The following HEMK2 variants were observed in gnomAD, a reference collection of about 807,000 sequenced individuals.
The protein encoded by HEMK2 is methyltransferase HEMK2.
At chr21:28,636,171 C>T in the HEMK2 span, among the ~76,000 whole-genome samples, 1 of 152,072 alleles carries the variant, frequency 6.6e-6, no homozygotes, top group Non-Finnish European at 1.5e-5. Context: ...ATCTTCAGTA[C>T]AAGGAAATTT....
At chr21:28,767,424 T>TAA in the HEMK2 span, among the ~76,000 whole-genome samples, 38 of 146,476 alleles carry the variant, frequency 2.6e-4, no homozygotes, top group African/African-American at 6.9e-4. Context: ...GCATGAGATT[T>TAA]AAAAAAAAAA....
At chr21:28,683,576 G>A in the HEMK2 span, among the ~76,000 whole-genome samples, 9 of 152,014 alleles carry the variant, frequency 5.9e-5, no homozygotes, top group Admixed American at 2.0e-4. Context: ...TTACATACAC[G>A]CACAATGTTT....
the HEMK2 span, among the ~76,000 whole-genome samples, chr21:28,750,438 C>G: frequency 6.6e-6 from 1 of 152,088 alleles, no homozygotes. Flanking sequence ...GTGACTCATA[C>G]CTGTAATCCC....
the HEMK2 span, among the ~76,000 whole-genome samples, chr21:28,779,819 A>C: frequency 3.3e-4 from 50 of 152,298 alleles, no homozygotes; most frequent in African/African-American, 1.2e-3. Flanking sequence ...CTCACCTGAG[A>C]CTTAGCTCCT....
At chr21:28,634,955 A>G in the HEMK2 span, among the ~76,000 whole-genome samples, 1 of 152,120 alleles carries the variant, frequency 6.6e-6, no homozygotes, top group African/African-American at 2.4e-5. Flanking sequence ...CATGTGTTAC[A>G]TTTAGTTTAA....
the HEMK2 span, among the ~76,000 whole-genome samples, chr21:28,821,273 G>A: frequency 2.0e-5 from 3 of 152,220 alleles, no homozygotes; most frequent in South Asian, 6.2e-4. Context: ...ACCACAGAGG[G>A]AGAGGCTGTG....
the HEMK2 span, among the ~76,000 whole-genome samples, chr21:28,607,004 A>G: frequency 6.6e-6 from 1 of 152,226 alleles, no homozygotes. Context: ...GTGACCAAAG[A>G]AACACATATC....
At chr21:28,752,808 T>C in the HEMK2 span, among the ~76,000 whole-genome samples, 1 of 100,318 alleles carries the variant, frequency 1.0e-5, no homozygotes. Flanking sequence ...AAATGTAAGA[T>C]ATTATTGTTG....
At chr21:28,885,024 C>T in the HEMK2 span, among the ~76,000 whole-genome samples, 3 of 152,178 alleles carry the variant, frequency 2.0e-5, no homozygotes, top group East Asian at 1.9e-4. Flanking sequence ...GAGATGCGTC[C>T]CCGGCACACT....
At chr21:28,618,082 C>T in the HEMK2 span, among the ~76,000 whole-genome samples, 4 of 152,234 alleles carry the variant, frequency 2.6e-5, no homozygotes, top group East Asian at 7.7e-4. Flanking sequence ...GCCACCACGC[C>T]CAGCCTTGGC....
the HEMK2 span, among the ~76,000 whole-genome samples, chr21:28,719,217 G>A: frequency 6.6e-6 from 1 of 152,146 alleles, no homozygotes; most frequent in East Asian, 1.9e-4. Flanking sequence ...TTGCCAAGTA[G>A]GGGCATTGCT....
the HEMK2 span, among the ~76,000 whole-genome samples, chr21:28,649,503 G>A: frequency 6.6e-6 from 1 of 152,156 alleles, no homozygotes; most frequent in Non-Finnish European, 1.5e-5. Flanking sequence ...AGACAAAGTC[G>A]TTTCCCACAA....
At chr21:28,639,467 A>G in the HEMK2 span, among the ~76,000 whole-genome samples, 1 of 152,228 alleles carries the variant, frequency 6.6e-6, no homozygotes, top group Non-Finnish European at 1.5e-5. Flanking sequence ...GGTACACAGG[A>G]AATCAGGTAA....
chr21:28,599,553 T>C, the HEMK2 span, among the ~76,000 whole-genome samples: 2 of 152,270 alleles, frequency 1.3e-5, no homozygotes, highest in East Asian at 3.9e-4. Flanking sequence ...CAAAATGACA[T>C]TTGGGTGGGG....
chr21:28,666,761 C>T, the HEMK2 span, among the ~76,000 whole-genome samples: 5 of 152,068 alleles, frequency 3.3e-5, no homozygotes, highest in African/African-American at 1.2e-4. Flanking sequence ...TCCTGTTTAA[C>T]CACTCATCTA....
the HEMK2 span, among the ~76,000 whole-genome samples, chr21:28,583,134 AATTT>A: frequency 6.6e-6 from 1 of 152,236 alleles, no homozygotes; most frequent in African/African-American, 2.4e-5. Context: ...TACTTTGAAC[AATTT>A]ATTTTATTTT....
the HEMK2 span, among the ~76,000 whole-genome samples, chr21:28,844,273 A>G: frequency 6.6e-6 from 1 of 152,080 alleles, no homozygotes; most frequent in Non-Finnish European, 1.5e-5. Context: ...CAAAGCAGAG[A>G]AGCTATCCAT....
chr21:28,857,968 T>G, the HEMK2 span, among the ~76,000 whole-genome samples: 11 of 152,346 alleles, frequency 7.2e-5, no homozygotes, highest in South Asian at 2.3e-3. Context: ...GGAACAGGCC[T>G]CTTGTTTCAT....
At chr21:28,730,099 C>T in the HEMK2 span, among the ~76,000 whole-genome samples, 10 of 151,972 alleles carry the variant, frequency 6.6e-5, no homozygotes, top group East Asian at 3.9e-4. Flanking sequence ...CAAACATTGC[C>T]GGGCTTGGTG....
Sources: gnomAD v4.1 joint callset for allele counts (sites outside exome capture counted in the v4.1 genomes callset) on GRCh38, gnomAD v4.1.1 for gene constraint, MANE v1.5 for transcripts, NCBI Gene and HGNC (gene_info 2026-07-23, HGNC 2026-07-21) for gene names.